EYS: variants seen among roughly 807,000 people sequenced by gnomAD.
EYS encodes the protein EGF-like photoreceptor maintenance factor, also known as protein eyes shut homolog.
A neutral mutation model predicts 282.1 loss-of-function variants in EYS; 250 were observed. That is an observed-to-expected ratio of 0.89 (90% CI 0.80 to 0.98). The LOEUF (loss-of-function observed/expected upper bound fraction) is 0.98. Ranked by LOEUF, EYS falls within the 50% of genes least tolerant of loss-of-function variation. The pLI, the probability that EYS is intolerant of heterozygous loss-of-function variation, is 0.00. For missense variants in EYS, 4,016 were observed against 3,709.0 expected (o/e 1.08, Z -2.15); for synonymous variants, 1,355 against 1,282.9 (o/e 1.06, Z -1.20).
At chr6:64,428,173 T>C (rs1774468316) in intron 28 of EYS, among the ~76,000 whole-genome samples, 2 of 152,272 alleles carry the variant, frequency 1.3e-5, no homozygotes, top group Admixed American at 1.3e-4. Context: ...ATAACCATAA[T>C]CTTTATTTTT....
chr6:65,605,626 T>C (rs1319807332), intron 2 of EYS, among the ~76,000 whole-genome samples: 1 of 151,906 alleles, frequency 6.6e-6, no homozygotes, highest in African/African-American at 2.4e-5. Flanking sequence ...AAATTGAAAG[T>C]ATATAACATA....
chr6:64,025,620 A>G (rs548845773), intron 33 of EYS, among the ~76,000 whole-genome samples: 2 of 152,334 alleles, frequency 1.3e-5, no homozygotes, highest in South Asian at 2.1e-4. Flanking sequence ...TCAGAAAGAC[A>G]TAATTTTTGC....
intron 1 of EYS, among the ~76,000 whole-genome samples, chr6:65,641,936 G>A (rs888009606): frequency 2.0e-5 from 3 of 152,188 alleles, no homozygotes; most frequent in Admixed American, 6.5e-5. Context: ...AGTAATCCAC[G>A]AAAAGATTTA....
rs532734892 is a variant in EYS, at chr6:64,637,356, C to T, written c.3444-11111G>A. The stretch of plus-strand genomic sequence containing the variant: ...ACTATCGCAAGGACAAAAAAACAAA[C>T]ACCACATGTTCTCACTCATAGATGG... On this transcript the variant is annotated intron_variant, in intron 22 of 42. Transcript: ENST00000503581. 1.3e-3 allele frequency among the ~76,000 whole-genome samples: 114 copies of T among 85,096 alleles called. 36 individuals are homozygous for T. The highest frequency in any genetic ancestry group is 5.1e-3 in the African/African-American group (112 of 21,888). The allele number at this position is 85,096 out of a possible 152,430, so 55.8% of individuals were successfully genotyped here.
Position 64,630,108 on chromosome 6 carries a change from TG to T in EYS, c.3444-3864del, listed in dbSNP as rs1327885994. ...TTTTTTTGTTTTTTGTTTTTATTTTTGTTTTTGAGATGGAGTCTCTCTCTGT... is the reference window on the plus strand; with the variant it reads ...TTTTTTTGTTTTTTGTTTTTATTTTTTTTTTGAGATGGAGTCTCTCTCTGT... On this transcript the variant is annotated intron_variant, in intron 22 of 42. Coordinates refer to ENST00000503581, the MANE Select transcript of EYS (RefSeq NM_001142800.2). 3.5e-4 allele frequency among the ~76,000 whole-genome samples: 54 copies of T among 152,302 alleles called. 1 individual carries two copies. Among genetic ancestry groups the T allele is most frequent in the African/African-American group, 1.3e-3 (53 of 41,574 alleles).
At chr6:64,070,000 AT>A (rs1771515065) in intron 32 of EYS, among the ~76,000 whole-genome samples, 1 of 152,114 alleles carries the variant, frequency 6.6e-6, no homozygotes. Flanking sequence ...CAGCTGGATT[AT>A]TATATCTACT....
chr6:65,213,744 C>G (rs1766236851), intron 12 of EYS, among the ~76,000 whole-genome samples: 2 of 152,044 alleles, frequency 1.3e-5, no homozygotes, highest in Admixed American at 1.3e-4. Context: ...TGAGACACAA[C>G]AATAGTAAAA....
chr6:64,176,499 TTGTGTGTGTG>T (rs111683045), intron 31 of EYS, among the ~76,000 whole-genome samples: 2 of 147,064 alleles, frequency 1.4e-5, no homozygotes, highest in Non-Finnish European at 3.0e-5. Context: ...CATATCACGA[TTGTGTGTGTG>T]TGTGTGTGTG....
At position 65,219,416 on chromosome 6, in the gene EYS, T is replaced by C. The variant is rs368164454; in HGVS notation, c.2023+76447A>G. Among the ~76,000 whole-genome samples, 50 of 152,118 alleles carry C rather than the reference T, an allele frequency of 3.3e-4. 1 individual carries two copies. The East Asian group carries it at 4.5e-3, about 14-fold the overall frequency. On this transcript the variant is annotated intron_variant, in intron 12 of 42. Transcript: ENST00000503581. ...TCTTGGTGATTAAAATATAGTAGAG[T>C]GTTTGCCAAGTCTGCTTGTAAAGAT...
At chr6:64,505,539 A>T (rs1777180188) in intron 26 of EYS, among the ~76,000 whole-genome samples, 1 of 152,188 alleles carries the variant, frequency 6.6e-6, no homozygotes, top group South Asian at 2.1e-4. Context: ...CCACTCAGGC[A>T]GGCTGCCAGT....
At chr6:63,860,330 GCT>G (rs1346213924) in intron 36 of EYS, among the ~76,000 whole-genome samples, 2 of 152,158 alleles carry the variant, frequency 1.3e-5, no homozygotes, top group Admixed American at 1.3e-4. Context: ...GATATGTTAA[GCT>G]CTCTTTCTAT....
rs549787043 is a variant in EYS at position 65,292,723 on chromosome 6, G to A, written c.2023+3140C>T. On this transcript the variant is annotated intron_variant, in intron 12 of 42. Transcript: ENST00000503581. ...GCTAGGTTCCAGCTGAAATGCAAAC[G>A]TGGTTGAAACATACTAGTACACTTC... is the stretch of plus-strand genomic sequence containing the variant. Among the ~76,000 whole-genome samples, 110 of 151,814 alleles carry A rather than the reference G, an allele frequency of 7.2e-4. 1 individual carries two copies. The highest frequency in any genetic ancestry group is 2.1e-4 in the South Asian group (1 of 4,818).
At chr6:64,878,569 C>T (rs1231323035) in intron 19 of EYS, among the ~76,000 whole-genome samples, 4 of 151,912 alleles carry the variant, frequency 2.6e-5, no homozygotes, top group Non-Finnish European at 5.9e-5. Context: ...GATTTGTGGT[C>T]AAGAAATCAA....
chr6:64,643,631 A>G (rs1345955716), intron 22 of EYS, among the ~76,000 whole-genome samples: 2 of 152,194 alleles, frequency 1.3e-5, no homozygotes, highest in Non-Finnish European at 2.9e-5. Flanking sequence ...TGTAACTTCC[A>G]CAATTCACAC....
intron 26 of EYS, among the ~76,000 whole-genome samples, chr6:64,578,616 T>TG (rs200514413): frequency 3.5e-5 from 5 of 141,096 alleles, no homozygotes; most frequent in African/African-American, 1.3e-4. Flanking sequence ...TGTGTGTGTG[T>TG]GTGTGGTGTG....
chr6:65,570,647 C>T (rs567975728), intron 2 of EYS, among the ~76,000 whole-genome samples: 1 of 152,018 alleles, frequency 6.6e-6, no homozygotes, highest in Non-Finnish European at 1.5e-5. Flanking sequence ...AAACTGTCAA[C>T]AAAAAATAGC....
chr6:64,119,604 C>A (rs191861269), intron 31 of EYS, among the ~76,000 whole-genome samples: 1 of 151,994 alleles, frequency 6.6e-6, no homozygotes, highest in Non-Finnish European at 1.5e-5. Flanking sequence ...GAGTTCATAC[C>A]CATTTCCAGT....
intron 41 of EYS, among the ~76,000 whole-genome samples, chr6:63,756,296 T>G (rs1769482164): frequency 6.6e-6 from 1 of 152,184 alleles, no homozygotes; most frequent in African/African-American, 2.4e-5. Flanking sequence ...TTTTGAGATA[T>G]GTTCCATCAA....
At chr6:65,137,815 G>A (rs1026369694) in intron 12 of EYS, among the ~76,000 whole-genome samples, 1 of 152,038 alleles carries the variant, frequency 6.6e-6, no homozygotes, top group African/African-American at 2.4e-5. Context: ...CATATGTTTG[G>A]TTATAAATAT....
Sources: gnomAD v4.1 joint callset for allele counts (sites outside exome capture counted in the v4.1 genomes callset) on GRCh38, gnomAD v4.1.1 for gene constraint, MANE v1.5 for transcripts, NCBI Gene and HGNC (gene_info 2026-07-23, HGNC 2026-07-21) for gene names.